The following GUCY2F variants were observed in gnomAD, a reference collection of about 807,000 sequenced individuals.
GUCY2F encodes the protein retinal guanylyl cyclase 2.
Under a neutral mutation model 73.1 loss-of-function variants are expected in GUCY2F, and 61 were observed. That is an observed-to-expected ratio of 0.83 (90% CI 0.68 to 1.03). GUCY2F has a LOEUF of 1.03. GUCY2F is among the 50% of genes least tolerant of loss of function. The probability of loss-of-function intolerance (pLI) is 0.00; values close to 1 mark genes in which losing one functional copy is unlikely to be tolerated. For missense variants in GUCY2F, 912 were observed against 854.3 expected (o/e 1.07, Z -0.84); for synonymous variants, 331 against 307.8 (o/e 1.08, Z -0.79).
chrX:109,383,528 G>A (rs980985058), intron 16 of GUCY2F: 35 of 193,026 alleles, frequency 1.8e-4, no homozygotes, highest in South Asian at 4.8e-4. Context: ...CCAATGTGAG[G>A]AGAGGCTACC....
chrX:109,379,620 C>A (rs908683112), intron 17 of GUCY2F, among the ~76,000 whole-genome samples: 65 of 112,091 alleles, frequency 5.8e-4, no homozygotes, highest in African/African-American at 2.0e-3. Context: ...GTAAATCTAC[C>A]TAAAAGTTTC....
At chrX:109,454,544 T>C (rs1433529208) in intron 3 of GUCY2F, among the ~76,000 whole-genome samples, 1 of 111,754 alleles carries the variant, frequency 8.9e-6, no homozygotes, top group Non-Finnish European at 1.9e-5. Context: ...GTGTGCAAAG[T>C]GGCAAAGCTT....
chrX:109,417,035 T>C (rs1183782114), intron 8 of GUCY2F, among the ~76,000 whole-genome samples: 5 of 107,060 alleles, frequency 4.7e-5, no homozygotes, highest in Admixed American at 2.0e-4. Context: ...TCATTCAAAA[T>C]CAAAGACATT....
intron 8 of GUCY2F, among the ~76,000 whole-genome samples, chrX:109,414,088 T>C (rs1273925206): frequency 9.0e-6 from 1 of 110,527 alleles, no homozygotes; most frequent in Non-Finnish European, 1.9e-5. Context: ...AATAGCTATT[T>C]CTCCTCCCAA....
At chrX:109,467,635 G>A (rs1454914162) in intron 2 of GUCY2F, among the ~76,000 whole-genome samples, 9 of 112,162 alleles carry the variant, frequency 8.0e-5, no homozygotes, top group Admixed American at 7.5e-4. Flanking sequence ...CAGCTGCTGG[G>A]TGTGTTAGTA....
chrX:109,461,723 C>T (rs1932366143), intron 3 of GUCY2F, among the ~76,000 whole-genome samples: 1 of 112,065 alleles, frequency 8.9e-6, no homozygotes, highest in Admixed American at 9.4e-5. Context: ...TTCAAGCTAC[C>T]AATTGATGTC....
At chrX:109,460,429 G>A (rs1932339326) in intron 3 of GUCY2F, among the ~76,000 whole-genome samples, 1 of 111,761 alleles carries the variant, frequency 8.9e-6, no homozygotes, top group Admixed American at 9.5e-5. Flanking sequence ...TGACATTGGT[G>A]TTCTCAACAC....
At chrX:109,406,744 T>C (rs1470192759) in intron 9 of GUCY2F, among the ~76,000 whole-genome samples, 1 of 111,262 alleles carries the variant, frequency 9.0e-6, no homozygotes, top group Non-Finnish European at 1.9e-5. Context: ...GCTATTCTCA[T>C]GATAGTGAAT....
Position 109,476,004 on chromosome X carries a change from G to C in GUCY2F, c.-68C>G. ...GTTATTCTGCTTTCCCGACACAGAC[G>C]GTGGTGTTTCCAAATGCCTGTCAAT... On this transcript the variant is annotated 5_prime_UTR_variant, in exon 2 of 20. Transcript: ENST00000218006. 8.0e-6 allele frequency: 8 copies of C among 1,004,639 alleles called. No individual in the cohort carries two copies. Among genetic ancestry groups the C allele is most frequent in the Non-Finnish European group, 1.1e-5 (8 of 747,315 alleles). 82.8% of individuals were successfully genotyped at this position (1,004,639 alleles called of 1,213,427 possible).
chrX:109,398,214 A>C (rs1930754964), intron 11 of GUCY2F, among the ~76,000 whole-genome samples: 1 of 110,583 alleles, frequency 9.0e-6, no homozygotes, highest in Non-Finnish European at 1.9e-5. Flanking sequence ...ATCCAGAAGC[A>C]TCATGAGGGA....
chrX:109,381,240 C>A (rs755764318), intron 17 of GUCY2F, among the ~76,000 whole-genome samples: 1 of 112,418 alleles, frequency 8.9e-6, no homozygotes, highest in African/African-American at 3.2e-5. Flanking sequence ...TAGTGCCCTG[C>A]TCTTGCTTTG....
Position 109,452,169 on chromosome X carries a change from C to T in GUCY2F, c.1388-62G>A, listed in dbSNP as rs1043151724. The T allele has an allele frequency of 6.3e-6, 4 of 635,239 alleles. No individual in the cohort carries two copies. The African/African-American group carries it at 8.7e-5, about 14-fold the overall frequency. 52.4% of individuals were successfully genotyped at this position (635,239 alleles called of 1,213,427 possible). A position where few individuals can be genotyped will look rare whatever the true frequency, so the allele number is the denominator to read the frequency against. ...TCAGAGAGAGGCAGTAAATAAAGGG[C>T]ACCACAGAGTGACTCCTCATGCTTT... On this transcript the variant is annotated intron_variant, in intron 4 of 19. Coordinates refer to ENST00000218006, the MANE Select transcript of GUCY2F (RefSeq NM_001522.3).
At position 109,388,506 on chromosome X, in the gene GUCY2F, C is replaced by A. The variant is rs761764082; in HGVS notation, c.2939G>T (p.Arg980Leu). 3 of 1,203,591 alleles carry A rather than the reference C, an allele frequency of 2.5e-6. No homozygotes were observed. The African/African-American group carries it at 5.3e-5, about 21-fold the overall frequency. The change falls in exon 15 of 20, where the codon CGA (arginine) becomes CTA (leucine). Residue 980 changes from arginine (R) to leucine (L), a missense_variant. Coordinates refer to ENST00000218006, the MANE Select transcript of GUCY2F (RefSeq NM_001522.3). Reference protein sequence around the residue: ...RHMPEVPVRIRIGLHSGPVVA... With the variant: ...RHMPEVPVRILIGLHSGPVVA... Reference sequence around the variant, plus strand: ...GTTATTACCTGAGTGAAGGCCAATTCGAATTCGGACCGGCACTTCTGGCAT... The same window carrying A: ...GTTATTACCTGAGTGAAGGCCAATTAGAATTCGGACCGGCACTTCTGGCAT...
chrX:109,429,246 T>C (rs1368764872), intron 8 of GUCY2F, among the ~76,000 whole-genome samples: 2 of 110,826 alleles, frequency 1.8e-5, no homozygotes, highest in Non-Finnish European at 3.8e-5. Flanking sequence ...ACCCTGTCTC[T>C]ACTAAAAATA....
At position 109,388,621 on chromosome X, in the gene GUCY2F, G is replaced by T; in HGVS notation, c.2824C>A (p.Pro942Thr). ...GDAYMVASGL[P>T]KRNGSRHAAE... ...GCATGCCTACTGCCATTCCTCTTTG[G>T]GAGGCCTGAAGCCACCATGTAGGCA... is the stretch of plus-strand genomic sequence containing the variant. The change falls in exon 15 of 20, where the codon CCA becomes ACA. Residue 942 changes from proline (P) to threonine (T), a missense_variant. Pro to Thr is a conservative substitution (Grantham distance 38). Transcript: ENST00000218006. 8.3e-7 allele frequency: 1 copy of T among 1,201,992 alleles called. No individual in the cohort carries two copies. Among genetic ancestry groups the T allele is most frequent in the Non-Finnish European group, 1.1e-6 (1 of 887,111 alleles).
At chrX:109,382,965 C>T (rs1174153075) in intron 16 of GUCY2F, among the ~76,000 whole-genome samples, 2 of 111,638 alleles carry the variant, frequency 1.8e-5, no homozygotes, top group African/African-American at 6.5e-5. Flanking sequence ...TGAAGTGAGA[C>T]CTTGTTGAGG....
chrX:109,388,359 G>A, intron 15 of GUCY2F, 130 bp downstream of exon 15: 3 of 533,050 alleles, frequency 5.6e-6, no homozygotes, highest in South Asian at 6.6e-5. Flanking sequence ...AGGCATAAAG[G>A]AATTATGCAG....
intron 10 of GUCY2F, among the ~76,000 whole-genome samples, chrX:109,399,965 G>A (rs999350654): frequency 1.8e-5 from 2 of 108,471 alleles, no homozygotes; most frequent in Admixed American, 9.9e-5. Flanking sequence ...TTGATGAAGT[G>A]GGGGAGGGCG....
chrX:109,421,386 A>G (rs1306137191), intron 8 of GUCY2F, among the ~76,000 whole-genome samples: 1 of 111,464 alleles, frequency 9.0e-6, no homozygotes, highest in Non-Finnish European at 1.9e-5. Context: ...AATAACATAC[A>G]ATGGACTATT....
Sources: allele counts gnomAD v4.1 joint callset (sites outside exome capture counted in the v4.1 genomes callset), GRCh38; gene constraint gnomAD v4.1.1; transcripts MANE v1.5; gene names NCBI Gene and HGNC (gene_info 2026-07-23, HGNC 2026-07-21).